The following BIN3 variants were observed in gnomAD, a reference collection of about 807,000 sequenced individuals.
BIN3 encodes bridging integrator 3.
Under a neutral mutation model 38.2 loss-of-function variants are expected in BIN3, and 41 were observed. The observed-to-expected ratio is 1.07, with a 90% CI of 0.84 to 1.39. The LOEUF is 1.39. BIN3 is among the 40% of genes most tolerant of loss of function. BIN3 has a pLI of 0.00. For synonymous variants in BIN3, 145 were observed against 122.6 expected (o/e 1.18, Z -1.21); for missense variants, 361 against 324.3 (o/e 1.11, Z -0.87).
At chr8:22,630,157 G>A (rs1437005713) in intron 5 of BIN3, among the ~76,000 whole-genome samples, 153 bp from the exon 6 acceptor site, 3 of 152,230 alleles carry the variant, frequency 2.0e-5, no homozygotes, top group Non-Finnish European at 4.4e-5. Context: ...GTGGAGGCCG[G>A]GTGGCTGGCC....
intron 2 of BIN3, among the ~76,000 whole-genome samples, chr8:22,638,825 A>G (rs1271443902): frequency 1.3e-5 from 2 of 152,154 alleles, no homozygotes; most frequent in African/African-American, 4.8e-5. Context: ...CCATCCTACA[A>G]TCTTTCTTCC....
intron 2 of BIN3, among the ~76,000 whole-genome samples, chr8:22,640,095 C>T (rs1802493884): frequency 1.3e-5 from 2 of 152,020 alleles, no homozygotes; most frequent in African/African-American, 4.8e-5. Context: ...CTCCTGACCT[C>T]AGGTGATCCC....
chr8:22,650,561 A>G (rs1802858734), intron 1 of BIN3, among the ~76,000 whole-genome samples: 1 of 152,152 alleles, frequency 6.6e-6, no homozygotes, highest in Admixed American at 6.5e-5. Flanking sequence ...AAATTCTATC[A>G]TTAGTATCAA....
intron 6 of BIN3, among the ~76,000 whole-genome samples, chr8:22,629,031 G>A (rs1418872369): frequency 1.3e-5 from 2 of 152,196 alleles, no homozygotes; most frequent in African/African-American, 4.8e-5. Context: ...CCACGGTCCT[G>A]GCTTAGAAAC....
intron 2 of BIN3, 77 bp from the exon 3 acceptor site, chr8:22,637,039 T>C (rs963116015): frequency 2.9e-5 from 38 of 1,317,082 alleles, no homozygotes; most frequent in Non-Finnish European, 1.5e-5. Context: ...CCTGAAACTC[T>C]CTCCACACCC....
Position 22,630,468 on chromosome 8 carries a change from G to A in BIN3, c.271C>T (p.Arg91Trp), listed in dbSNP as rs779149953. 30 of 1,613,860 alleles carry A rather than the reference G, an allele frequency of 1.9e-5. No individual in the cohort carries two copies. The highest frequency in any genetic ancestry group is 1.1e-4 in the East Asian group (5 of 44,902). Residue 91 changes from arginine to tryptophan, a missense_variant, in exon 5 of 9, where the codon CGG (arginine) becomes TGG (tryptophan). By Grantham distance (101) the Arg-to-Trp change is moderately radical. Transcript: ENST00000276416. ...TTTTCCTGATTGAAGGCATCCATCC[G>A]CTTCATGGCCGTGTCCAGGGCCGTC... ...MVTALDTAMKRMDAFNQEKVN... is the reference protein window; with the variant it reads ...MVTALDTAMKWMDAFNQEKVN...
At chr8:22,664,915 C>T (rs950102067) in intron 1 of BIN3, among the ~76,000 whole-genome samples, 5 of 152,206 alleles carry the variant, frequency 3.3e-5, no homozygotes, top group African/African-American at 1.2e-4. Flanking sequence ...TTTTGTTTGA[C>T]CCAGAAGTTT....
At chr8:22,626,033 A>G (rs1041281726) in intron 6 of BIN3, 1 of 152,748 alleles carries the variant, frequency 6.5e-6, no homozygotes, top group African/African-American at 2.4e-5. Flanking sequence ...TTTTGATGAA[A>G]CAAAGGGCTT....
chr8:22,646,232 A>G (rs1233428447), intron 1 of BIN3, among the ~76,000 whole-genome samples: 1 of 152,222 alleles, frequency 6.6e-6, no homozygotes, highest in African/African-American at 2.4e-5. Context: ...TGGAAAGGGT[A>G]GACTCCCGAT....
intron 6 of BIN3, chr8:22,625,272 C>T: frequency 1.4e-6 from 1 of 700,746 alleles, no homozygotes. Context: ...TGCTGGAGGG[C>T]TGGCCCTCGG....
Position 22,636,586 on chromosome 8 carries a change from C to T in BIN3, c.99G>A (p.Gln33=). ...DFEREYGKLQ[Q]LEEQTRRLQK... ...GCAGCCTCCGGGTCTGCTCTTCCAGCCTGCAAGGCAGGGGACGGGCTGCTT... is the reference window on the plus strand; with the variant it reads ...GCAGCCTCCGGGTCTGCTCTTCCAGTCTGCAAGGCAGGGGACGGGCTGCTT... Residue 33 remains glutamine (Q), a splice_region_variant and synonymous_variant, in exon 4 of 9, where the codon CAG becomes CAA. Transcript: ENST00000276416. 6.4e-7 allele frequency: 1 copy of T among 1,552,036 alleles called. No homozygotes were observed. The highest frequency in any genetic ancestry group is 8.7e-7 in the Non-Finnish European group (1 of 1,147,340).
At chr8:22,630,249 G>A (rs1187727051) in intron 5 of BIN3, among the ~76,000 whole-genome samples, 193 bp downstream of exon 5, 1 of 152,238 alleles carries the variant, frequency 6.6e-6, no homozygotes, top group Non-Finnish European at 1.5e-5. Flanking sequence ...GGAGCCTCAG[G>A]AGGCAGGTAG....
In BIN3 at chr8:22,636,515, A is replaced by T. The variant is rs1311383967; in HGVS notation, c.160+10T>A. ...GCTCAAGCGAGTGGTGCGGGTGGAAAGTCACCTACCCAGGTCTGCGTCGGT... is the reference window on the plus strand; with the variant it reads ...GCTCAAGCGAGTGGTGCGGGTGGAATGTCACCTACCCAGGTCTGCGTCGGT... On this transcript the variant is annotated intron_variant, in intron 4 of 8. Transcript: ENST00000276416. The T allele has an allele frequency of 6.4e-7, 1 of 1,551,930 alleles. No individual in the cohort carries two copies. The highest frequency in any genetic ancestry group is 1.7e-4 in the Middle Eastern group (1 of 5,992).
chr8:22,634,930 G>A (rs1802322118), intron 4 of BIN3, among the ~76,000 whole-genome samples: 1 of 152,170 alleles, frequency 6.6e-6, no homozygotes, highest in East Asian at 1.9e-4. Flanking sequence ...TGTGTCATGT[G>A]CCCTGCCAAT....
intron 1 of BIN3, among the ~76,000 whole-genome samples, chr8:22,652,885 G>C (rs924636769): frequency 6.6e-6 from 1 of 152,150 alleles, no homozygotes; most frequent in African/African-American, 2.4e-5. Flanking sequence ...GTGATGCAGA[G>C]TTGGTAGCAT....
intron 8 of BIN3, among the ~76,000 whole-genome samples, chr8:22,623,472 C>A (rs1017343113): frequency 6.6e-6 from 1 of 152,150 alleles, no homozygotes; most frequent in Admixed American, 6.5e-5. Flanking sequence ...GCAGGACTCC[C>A]GCCGTTTCCT....
chr8:22,624,486 C>T, intron 6 of BIN3, 123 bp from the exon 7 acceptor site: 2 of 1,334,168 alleles, frequency 1.5e-6, no homozygotes, highest in Non-Finnish European at 2.0e-6. Flanking sequence ...GCGTCCTGGC[C>T]AGCACTCACT....
chr8:22,662,632 G>A (rs561696299), intron 1 of BIN3, among the ~76,000 whole-genome samples: 7 of 152,168 alleles, frequency 4.6e-5, no homozygotes, highest in African/African-American at 1.2e-4. Flanking sequence ...TTAGCTTATC[G>A]TCTGAGTATT....
intron 6 of BIN3, among the ~76,000 whole-genome samples, chr8:22,628,428 T>TCC (rs1247486886): frequency 3.3e-5 from 5 of 151,944 alleles, no homozygotes; most frequent in African/African-American, 1.2e-4. Context: ...TTGGGGGAGA[T>TCC]CGTATGTCAG....
Sources: gnomAD v4.1 joint callset for allele counts (sites outside exome capture counted in the v4.1 genomes callset) on GRCh38, gnomAD v4.1.1 for gene constraint, MANE v1.5 for transcripts, NCBI Gene and HGNC (gene_info 2026-07-23, HGNC 2026-07-21) for gene names.